FOXRED2: variants seen among roughly 807,000 people sequenced by gnomAD.
FOXRED2 encodes FAD-dependent oxidoreductase domain-containing protein 2.
Under a neutral mutation model 52.5 loss-of-function variants are expected in FOXRED2, and 32 were observed. The observed-to-expected ratio is 0.61, with a 90% confidence interval of 0.46 to 0.82. The LOEUF is 0.82. Among genes scored for constraint, FOXRED2 ranks in the 40% least tolerant of loss-of-function variants. FOXRED2 has a pLI of 0.00. For missense variants in FOXRED2, 848 were observed against 937.5 expected (o/e 0.90, Z 1.25); for synonymous variants, 405 against 398.1 (o/e 1.02, Z -0.21).
intron 1 of FOXRED2, chr22:36,506,720 A>C: frequency 2.8e-6 from 1 of 359,960 alleles, no homozygotes; most frequent in Non-Finnish European, 5.0e-6. Context: ...CGTACTCCCC[A>C]ATTTTCCCCT....
intron 6 of FOXRED2, among the ~76,000 whole-genome samples, chr22:36,497,618 G>A (rs1379808423): frequency 5.3e-5 from 8 of 152,170 alleles, no homozygotes; most frequent in African/African-American, 1.7e-4. Context: ...GATGGTGGCC[G>A]GCAAGGCCCT....
intron 8 of FOXRED2, among the ~76,000 whole-genome samples, chr22:36,492,654 T>C (rs1430733202): frequency 6.6e-6 from 1 of 152,148 alleles, no homozygotes; most frequent in Admixed American, 6.6e-5. Flanking sequence ...GTAGCTGGGA[T>C]TACAGGCACC....
chr22:36,491,264 G>A (rs1933749257), intron 8 of FOXRED2, among the ~76,000 whole-genome samples: 1 of 152,234 alleles, frequency 6.6e-6, no homozygotes, highest in South Asian at 2.1e-4. Flanking sequence ...GTTCCTCGTG[G>A]GAATGAGAAT....
chr22:36,497,491 G>A (rs1311889606), intron 6 of FOXRED2, among the ~76,000 whole-genome samples: 16 of 152,260 alleles, frequency 1.1e-4, no homozygotes, highest in Middle Eastern at 3.4e-3. Context: ...TTGCTCCCTT[G>A]CTTCTCCCTG....
intron 7 of FOXRED2, among the ~76,000 whole-genome samples, 194 bp from the exon 8 acceptor site, chr22:36,493,997 T>C (rs916330670): frequency 3.3e-5 from 5 of 152,234 alleles, no homozygotes; most frequent in African/African-American, 4.8e-5. Flanking sequence ...AAGGCTGCCA[T>C]GAGGAAGAGG....
chr22:36,487,523 G>A lies in FOXRED2; in HGVS notation c.*2485C>T, dbSNP rs185764822. 1 of 152,310 alleles carries A rather than the reference G, an allele frequency of 6.6e-6. No homozygotes were observed. The highest frequency in any genetic ancestry group is 1.9e-4 in the East Asian group (1 of 5,188). 9.4% of individuals were successfully genotyped at this position (152,310 alleles called of 1,614,324 possible). On this transcript the variant is annotated 3_prime_UTR_variant, in exon 9 of 9. Transcript: ENST00000397224. ...GATTGTTTACTGAAACTAGGGGCAA[G>A]GAGACATAAAGAATGAGGAAATTAA...
Position 36,490,081 on chromosome 22 carries a change from T to C in FOXRED2, c.1982A>G (p.Gln661Arg). Residue 661 changes from glutamine (Q) to arginine (R), a missense_variant, in exon 9 of 9, where the codon CAA (glutamine) becomes CGA (arginine). Coordinates refer to ENST00000397224, the MANE Select transcript of FOXRED2 (RefSeq NM_001102371.2). ...AGCCAGGGGGGAACCTAGTGGCTCT[T>C]GGTCGCCAAGCTGCTGGCTGCTGTC... Reference protein sequence around the residue: ...LEDSSQQLGDQEPLGSPLAPG... With the variant: ...LEDSSQQLGDREPLGSPLAPG... 6.2e-7 allele frequency: 1 copy of C among 1,613,640 alleles called. No individual in the cohort carries two copies. Among genetic ancestry groups the C allele is most frequent in the South Asian group, 1.1e-5 (1 of 91,054 alleles).
rs376517238 is a variant in FOXRED2 at position 36,490,062 on chromosome 22, G to C, written c.2001C>G (p.Pro667=). The change falls in exon 9 of 9, where the codon CCC becomes CCG. Residue 667 remains proline (P), a synonymous_variant. Coordinates refer to ENST00000397224, the MANE Select transcript of FOXRED2 (RefSeq NM_001102371.2). ...ACTGAGCCAGAGGCCCTGGAGCCAG[G>C]GGGGAACCTAGTGGCTCTTGGTCGC... is the stretch of plus-strand genomic sequence containing the variant. ...QLGDQEPLGS[P]LAPGPLAQSV... is the part of the protein sequence containing the mutation. 2.2e-5 allele frequency: 35 copies of C among 1,612,514 alleles called. No individual in the cohort carries two copies. Among genetic ancestry groups the C allele is most frequent in the African/African-American group, 2.7e-5 (2 of 74,906 alleles).
chr22:36,498,851 C>G (rs957418441), intron 5 of FOXRED2, among the ~76,000 whole-genome samples: 5 of 151,102 alleles, frequency 3.3e-5, no homozygotes, highest in African/African-American at 9.8e-5. Context: ...ATCCTTTGCC[C>G]GTACTGTAAG....
Position 36,490,236 on chromosome 22 carries a change from C to T in FOXRED2, c.1827G>A (p.Gln609=). The T allele has an allele frequency of 1.2e-6, 2 of 1,612,572 alleles. No homozygotes were observed. The highest frequency in any genetic ancestry group is 1.1e-5 in the South Asian group (1 of 90,996). Residue 609 remains glutamine (Q), a synonymous_variant, in exon 9 of 9, where the codon CAG becomes CAA. Coordinates refer to ENST00000397224, the MANE Select transcript of FOXRED2 (RefSeq NM_001102371.2). ...CCTGCTGGCAAAAGGGTGGCAACTTCTGGCGCGTGAGGGCGAACAGGAAGC... is the reference window on the plus strand; with the variant it reads ...CCTGCTGGCAAAAGGGTGGCAACTTTTGGCGCGTGAGGGCGAACAGGAAGC... ...ESCFLFALTR[Q]KLPPFCQQGY...
At chr22:36,495,013 C>T (rs1170651898) in intron 7 of FOXRED2, among the ~76,000 whole-genome samples, 11 of 151,604 alleles carry the variant, frequency 7.3e-5, no homozygotes, top group East Asian at 1.9e-4. Context: ...GGTACAATCT[C>T]GGCTCACTGC....
chr22:36,498,128 G>A lies in FOXRED2; in HGVS notation c.1245C>T (p.His415=). ...TVRAVHRLLE[H]RHHSVTWPAT... ...CGGGCCAGGTGACGCTGTGGTGGCGGTGCTCCAGGAGCCGGTGAACAGCAC... is the reference window on the plus strand; with the variant it reads ...CGGGCCAGGTGACGCTGTGGTGGCGATGCTCCAGGAGCCGGTGAACAGCAC... Residue 415 remains histidine (H), a synonymous_variant, in exon 6 of 9, where the codon CAC becomes CAT. Coordinates refer to ENST00000397224, the MANE Select transcript of FOXRED2 (RefSeq NM_001102371.2). The A allele has an allele frequency of 6.2e-7, 1 of 1,612,250 alleles. No homozygotes were observed. Among genetic ancestry groups the A allele is most frequent in the Non-Finnish European group, 8.5e-7 (1 of 1,179,946 alleles).
At position 36,504,262 on chromosome 22, in the gene FOXRED2, C is replaced by T; in HGVS notation, c.885G>A (p.Lys295=). Residue 295 remains lysine, a synonymous_variant, in exon 4 of 9, where the codon AAG becomes AAA. Coordinates refer to ENST00000397224, the MANE Select transcript of FOXRED2 (RefSeq NM_001102371.2). ...GGAAGAATTTCGGGGTGACATGGAACTTGCCTTTGCTGTCCTTCAGGATGG... is the reference window on the plus strand; with the variant it reads ...GGAAGAATTTCGGGGTGACATGGAATTTGCCTTTGCTGTCCTTCAGGATGG... ...DLAILKDSKG[K]FHVTPKFFLE... The T allele has an allele frequency of 6.2e-7, 1 of 1,614,206 alleles. No homozygotes were observed. The highest frequency in any genetic ancestry group is 8.5e-7 in the Non-Finnish European group (1 of 1,180,042).
chr22:36,498,668 C>T (rs921080193), intron 5 of FOXRED2, among the ~76,000 whole-genome samples: 3 of 152,210 alleles, frequency 2.0e-5, no homozygotes, highest in Admixed American at 2.0e-4. Context: ...CCCTCTCTTT[C>T]ACAGCCTAAA....
chr22:36,502,749 A>G (rs978540879), intron 4 of FOXRED2, among the ~76,000 whole-genome samples: 4 of 151,692 alleles, frequency 2.6e-5, no homozygotes, highest in African/African-American at 7.3e-5. Flanking sequence ...GGAGTCCACA[A>G]TGGCGCGATC....
intron 5 of FOXRED2, chr22:36,498,483 G>A: frequency 4.1e-6 from 1 of 244,330 alleles, no homozygotes; most frequent in South Asian, 8.3e-5. Flanking sequence ...AGCTGGAGTT[G>A]GTCTCCAGGC....
At chr22:36,495,749 C>T (rs946821021) in intron 7 of FOXRED2, among the ~76,000 whole-genome samples, 2 of 151,762 alleles carry the variant, frequency 1.3e-5, no homozygotes, top group Admixed American at 1.3e-4. Context: ...GAGCACGACA[C>T]CCCCCGCATG....
intron 5 of FOXRED2, among the ~76,000 whole-genome samples, chr22:36,499,731 T>C (rs1049822931): frequency 1.3e-5 from 2 of 152,224 alleles, no homozygotes; most frequent in African/African-American, 2.4e-5. Flanking sequence ...TATGCCTCAC[T>C]GAGTGAATTT....
rs1215267767 is a variant in FOXRED2, at chr22:36,497,996, CA to C, written c.1376del (p.Leu459Ter). On this transcript the variant is annotated frameshift_variant, in exon 6 of 9. Transcript: ENST00000397224. LOFTEE classifies it high-confidence loss of function. ...GGTGGGGACGGGCTACTCACTCCTT[CA>C]ACAGGATGACATCGGCCAGCACACC... The part of the protein sequence containing the change: ...MFGVLADVIL[L>X]KENSTAFEYL... The C allele has an allele frequency of 6.8e-6, 11 of 1,613,656 alleles. No homozygotes were observed. Among genetic ancestry groups the C allele is most frequent in the Non-Finnish European group, 9.3e-6 (11 of 1,179,732 alleles).
Sources: allele counts gnomAD v4.1 joint callset (sites outside exome capture counted in the v4.1 genomes callset), GRCh38; gene constraint gnomAD v4.1.1; transcripts MANE v1.5; gene names NCBI Gene and HGNC (gene_info 2026-07-23, HGNC 2026-07-21).